USP37: variants seen among roughly 807,000 people sequenced by gnomAD.
USP37 encodes ubiquitin specific peptidase 37, also known as ubiquitin carboxyl-terminal hydrolase 37.
In USP37, 27 loss-of-function variants were observed where a neutral mutation model predicts 124.0. The observed-to-expected ratio is 0.22, with a 90% CI of 0.16 to 0.30. The LOEUF is 0.30. Ranked by LOEUF, USP37 falls within the 10% of genes least tolerant of loss-of-function variation. The probability of loss-of-function intolerance (pLI) is 1.00; values close to 1 mark genes in which losing one functional copy is unlikely to be tolerated. For synonymous variants in USP37, 365 were observed against 388.0 expected, an observed-to-expected ratio of 0.94 and a Z score of 0.70; for missense variants, 889 against 1,140.4, an observed-to-expected ratio of 0.78 and a Z score of 3.17.
rs145981418 is a variant in USP37 at position 218,514,869 on chromosome 2, T to A, written c.864-4729A>T. Among the ~76,000 whole-genome samples, 214 of 152,362 alleles carry A rather than the reference T, an allele frequency of 1.4e-3. 2 individuals are homozygous for A. Among genetic ancestry groups the A allele is most frequent in the African/African-American group, 4.7e-3 (197 of 41,590 alleles). ...ACACATTCATTCATTCATTTCAGTA[T>A]GGACTCAGACATATTTATTTTTTTT... On this transcript the variant is annotated intron_variant, in intron 10 of 25. Coordinates refer to ENST00000258399, the MANE Select transcript of USP37 (RefSeq NM_020935.3).
Position 218,556,503 on chromosome 2 carries a change from GTTTTTTTTTTTT to G in USP37, c.156+1983_156+1994del, listed in dbSNP as rs34907421. On this transcript the variant is annotated intron_variant, in intron 4 of 25. Transcript: ENST00000258399. Reference sequence around the variant, plus strand: ...GTATTTGGTTACTCTGGGTTTTTCTGTTTTTTTTTTTTTTTTTTTTTTTTTTTGAGATGGAGT... The same window carrying G: ...GTATTTGGTTACTCTGGGTTTTTCTGTTTTTTTTTTTTTTTGAGATGGAGT... 9.1e-4 allele frequency among the ~76,000 whole-genome samples: 49 copies of G among 53,826 alleles called. 1 individual carries two copies. The South Asian group carries it at 0.036, about 40-fold the overall frequency. 35.3% of individuals were successfully genotyped at this position (53,826 alleles called of 152,430 possible). A position where few individuals can be genotyped will look rare whatever the true frequency, so the allele number is the denominator to read the frequency against.
rs911958781 is a variant in USP37 at position 218,558,719 on chromosome 2, T to C, written c.-24-42A>G. On this transcript the variant is annotated intron_variant, in intron 3 of 25. Coordinates refer to ENST00000258399, the MANE Select transcript of USP37 (RefSeq NM_020935.3). The stretch of plus-strand genomic sequence containing the variant: ...AAATATACCTTTACCTGGCAGGTTC[T>C]AAGGAAGAAAAATAAGATAAGTTAT... The C allele has an allele frequency of 1.4e-5, 20 of 1,421,734 alleles. No individual in the cohort carries two copies. In the African/African-American group the frequency reaches 2.0e-4, roughly 14 times the overall value. 88.1% of individuals were successfully genotyped at this position (1,421,734 alleles called of 1,614,324 possible). A position where few individuals can be genotyped will look rare whatever the true frequency, so the allele number is the denominator to read the frequency against.
chr2:218,524,807 G>C (rs1036797682), intron 10 of USP37, among the ~76,000 whole-genome samples: 1 of 152,034 alleles, frequency 6.6e-6, no homozygotes, highest in Non-Finnish European at 1.5e-5. Context: ...ACAGCGTTTC[G>C]CCATGTTGGC....
At position 218,545,199 on chromosome 2, in the gene USP37, T is replaced by G. The variant is rs372509299; in HGVS notation, c.680+1022A>C. Among the ~76,000 whole-genome samples, 4 of 152,364 alleles carry G rather than the reference T, an allele frequency of 2.6e-5. No homozygotes were observed. In the East Asian group the frequency reaches 7.7e-4, roughly 29 times the overall value. Reference sequence around the variant, plus strand: ...CCACTGTACGCTTTTGCCACAATAGTTGAAATACAGGCATATTTCCCAGAC... The same window carrying G: ...CCACTGTACGCTTTTGCCACAATAGGTGAAATACAGGCATATTTCCCAGAC... On this transcript the variant is annotated intron_variant, in intron 8 of 25. Transcript: ENST00000258399.
chr2:218,544,659 G>C (rs370990053), intron 8 of USP37, among the ~76,000 whole-genome samples: 12 of 152,050 alleles, frequency 7.9e-5, no homozygotes, highest in African/African-American at 2.9e-4. Context: ...CAATGGGCAA[G>C]GGGGTTTCTC....
Position 218,546,128 on chromosome 2 carries a change from A to C in USP37, c.680+93T>G, listed in dbSNP as rs1692306411. ...TCTTCCATCTTTGGAATTCTCATAAATTAAAACCATTTCCCCAATCTTCCC... is the reference window on the plus strand; with the variant it reads ...TCTTCCATCTTTGGAATTCTCATAACTTAAAACCATTTCCCCAATCTTCCC... On this transcript the variant is annotated intron_variant, in intron 8 of 25. Transcript: ENST00000258399. The C allele has an allele frequency of 5.6e-6, 6 of 1,074,328 alleles. No homozygotes were observed. In the Admixed American group the frequency reaches 1.5e-4, roughly 27 times the overall value. 66.5% of individuals were successfully genotyped at this position (1,074,328 alleles called of 1,614,324 possible).
intron 22 of USP37, 72 bp from the exon 23 acceptor site, chr2:218,459,977 T>G (rs1689915621): frequency 8.6e-7 from 1 of 1,168,136 alleles, no homozygotes; most frequent in Admixed American, 2.0e-5. Flanking sequence ...ACACCTGTAA[T>G]CCCAACACTT....
At chr2:218,504,189 C>A (rs1227745499) in intron 11 of USP37, among the ~76,000 whole-genome samples, 1 of 152,162 alleles carries the variant, frequency 6.6e-6, no homozygotes, top group Non-Finnish European at 1.5e-5. Flanking sequence ...GCCTAATATA[C>A]AAATTTCTGA....
chr2:218,463,437 T>C, intron 21 of USP37, 71 bp from the exon 22 acceptor site: 1 of 1,395,686 alleles, frequency 7.2e-7, no homozygotes, highest in Non-Finnish European at 1.0e-6. Context: ...GAGGATAAAA[T>C]CAGTTTCTCT....
chr2:218,455,208 G>A (rs1424320251), intron 25 of USP37, among the ~76,000 whole-genome samples, 191 bp from the exon 26 acceptor site: 1 of 152,126 alleles, frequency 6.6e-6, no homozygotes. Context: ...TAAGAATAGA[G>A]GGGAACTGAC....
chr2:218,529,915 G>T (rs1306346905), intron 10 of USP37, 41 bp downstream of exon 10: 1 of 1,463,854 alleles, frequency 6.8e-7, no homozygotes, highest in Non-Finnish European at 9.3e-7. Flanking sequence ...GAAAAAAAAA[G>T]AACTCCTAAG....
Position 218,556,145 on chromosome 2 carries a change from A to G in USP37, c.156+2353T>C, listed in dbSNP as rs374882353. The stretch of plus-strand genomic sequence containing the variant: ...TCCTTATGACAAACAAGAAACATCA[A>G]TATCTGGTTCCTACCTAGCTCTTCA... On this transcript the variant is annotated intron_variant, in intron 4 of 25. Coordinates refer to ENST00000258399, the MANE Select transcript of USP37 (RefSeq NM_020935.3). 1.8e-4 allele frequency among the ~76,000 whole-genome samples: 27 copies of G among 152,300 alleles called. No individual in the cohort carries two copies. In the South Asian group the frequency reaches 5.4e-3, roughly 30 times the overall value.
intron 11 of USP37, chr2:218,501,121 C>G (rs901190279): frequency 4.6e-5 from 7 of 151,604 alleles, no homozygotes; most frequent in African/African-American, 1.7e-4. Context: ...TCCCTGCAAC[C>G]TCGACCCCCC....
At chr2:218,498,235 T>G (rs1049411382) in intron 11 of USP37, 78 bp from the exon 12 acceptor site, 5 of 1,411,654 alleles carry the variant, frequency 3.5e-6, no homozygotes, top group Admixed American at 5.1e-5. Flanking sequence ...AGTTCTCCAC[T>G]TTATGTTTCA....
chr2:218,566,833 T>C (rs1161445558), intron 1 of USP37, among the ~76,000 whole-genome samples: 1 of 152,098 alleles, frequency 6.6e-6, no homozygotes, highest in Non-Finnish European at 1.5e-5. Context: ...AGGATAGAAC[T>C]TGGAGAGAGT....
intron 1 of USP37, among the ~76,000 whole-genome samples, chr2:218,564,530 G>A (rs1398952370): frequency 6.6e-6 from 1 of 152,062 alleles, no homozygotes; most frequent in Non-Finnish European, 1.5e-5. Context: ...TCAGCTCTTG[G>A]GGTTTTACCT....
At position 218,546,947 on chromosome 2, in the gene USP37, G is replaced by C; in HGVS notation, c.574C>G (p.Pro192Ala). The change falls in exon 7 of 26, where the codon CCT (proline) becomes GCT (alanine). Residue 192 changes from proline to alanine, a missense_variant. By Grantham distance (27) the Pro-to-Ala change is conservative. Transcript: ENST00000258399. ...TTTTCTAGCAACCCTGATCTAAGAGGTGTTGAAGTAGATGTCAAAGAAGGA... is the reference window on the plus strand; with the variant it reads ...TTTTCTAGCAACCCTGATCTAAGAGCTGTTGAAGTAGATGTCAAAGAAGGA... ...TIPSLTSTST[P>A]LRSGLLENRT... 1 of 1,612,480 alleles carries C rather than the reference G, an allele frequency of 6.2e-7. No homozygotes were observed. Among genetic ancestry groups the C allele is most frequent in the Non-Finnish European group, 8.5e-7 (1 of 1,179,610 alleles).
intron 21 of USP37, among the ~76,000 whole-genome samples, chr2:218,464,956 T>A (rs576540982): frequency 6.6e-6 from 1 of 151,806 alleles, no homozygotes; most frequent in Non-Finnish European, 1.5e-5. Flanking sequence ...TGGATGCTCC[T>A]GTGGTCCCAT....
rs1252191456 is a variant in USP37 at position 218,546,958 on chromosome 2, G to A, written c.563C>T (p.Ser188Phe). The A allele has an allele frequency of 1.2e-6, 2 of 1,612,540 alleles. No homozygotes were observed. Among genetic ancestry groups the A allele is most frequent in the East Asian group, 4.5e-5 (2 of 44,866 alleles). The change falls in exon 7 of 26, where the codon TCT (serine) becomes TTT (phenylalanine). Residue 188 changes from serine to phenylalanine, a missense_variant. By Grantham distance (155) the Ser-to-Phe change is radical. This residue lies in a region of USP37 where 374 missense variants were observed against 386.0 expected (regional missense o/e 0.97). Coordinates refer to ENST00000258399, the MANE Select transcript of USP37 (RefSeq NM_020935.3). ...GIARTIPSLT[S>F]TSTPLRSGLL... ...CCCTGATCTAAGAGGTGTTGAAGTA[G>A]ATGTCAAAGAAGGAATCGTCCGAGC...
Sources: gnomAD v4.1 joint callset for allele counts (sites outside exome capture counted in the v4.1 genomes callset) on GRCh38, gnomAD v4.1.1 for gene constraint, gnomAD v4.1.1 regional missense constraint, MANE v1.5 for transcripts, NCBI Gene and HGNC (gene_info 2026-07-23, HGNC 2026-07-21) for gene names.